TDRD12: variants seen among roughly 807,000 people sequenced by gnomAD.
The protein encoded by TDRD12 is tudor domain containing 12.
TDRD12 carries 158 observed loss-of-function variants against 133.5 expected under a neutral mutation model. The observed-to-expected ratio is 1.18, with a 90% CI of 1.04 to 1.35. The LOEUF (loss-of-function observed/expected upper bound fraction) is 1.35, where lower values mean the gene tolerates loss of function less well. Ranked by LOEUF, TDRD12 falls within the 40% of genes most tolerant of loss-of-function variation. TDRD12 has a pLI of 0.00. For synonymous variants in TDRD12, 460 were observed against 477.9 expected (o/e 0.96, Z 0.49); for missense variants, 1,443 against 1,321.3 (o/e 1.09, Z -1.43).
At chr19:32,759,110 C>T (rs1339287087) in intron 8 of TDRD12, among the ~76,000 whole-genome samples, 2 of 152,074 alleles carry the variant, frequency 1.3e-5, no homozygotes, top group Admixed American at 6.6e-5. Flanking sequence ...GGCATGGTGG[C>T]GTGTGCCTGT....
At chr19:32,803,033 A>G in exon 21 of TDRD12, 2 of 1,536,038 alleles carry the variant, frequency 1.3e-6, no homozygotes, top group South Asian at 1.2e-5. Flanking sequence ...AGCGGACGCC[A>G]AGGTCCCCGC....
chr19:32,749,849 G>A, exon 6 of TDRD12: 1 of 1,546,874 alleles, frequency 6.5e-7, no homozygotes, highest in South Asian at 1.2e-5. Flanking sequence ...TTACCTTTAT[G>A]TAACTATAAA....
chr19:32,789,930 A>C (rs1971019899), intron 11 of TDRD12, among the ~76,000 whole-genome samples: 1 of 152,006 alleles, frequency 6.6e-6, no homozygotes, highest in South Asian at 2.1e-4. Flanking sequence ...TGAACCTGGG[A>C]GGCGGATGTT....
At chr19:32,732,591 C>A (rs1969092540) in intron 2 of TDRD12, among the ~76,000 whole-genome samples, 1 of 152,178 alleles carries the variant, frequency 6.6e-6, no homozygotes, top group Admixed American at 6.5e-5. Flanking sequence ...CGCCGTGGCC[C>A]CTCCTTGCCT....
intron 14 of TDRD12, among the ~76,000 whole-genome samples, chr19:32,797,039 G>A (rs1019588310): frequency 1.3e-5 from 2 of 149,498 alleles, no homozygotes; most frequent in African/African-American, 4.9e-5. Context: ...GGAGTGCAGT[G>A]GCTCCATCTC....
chr19:32,721,801 G>A (rs1194336940), intron 1 of TDRD12, among the ~76,000 whole-genome samples: 2 of 151,438 alleles, frequency 1.3e-5, no homozygotes, highest in African/African-American at 4.9e-5. Flanking sequence ...TCCGCCTCCC[G>A]GGTTCACGCC....
At chr19:32,763,387 A>G (rs1195172057) in intron 8 of TDRD12, among the ~76,000 whole-genome samples, 1 of 152,098 alleles carries the variant, frequency 6.6e-6, no homozygotes, top group Admixed American at 6.6e-5. Flanking sequence ...GCCCCTCAGC[A>G]TCCCTCACCT....
At chr19:32,820,783 G>T (rs563042369) in intron 27 of TDRD12, among the ~76,000 whole-genome samples, 4 of 152,266 alleles carry the variant, frequency 2.6e-5, no homozygotes, top group African/African-American at 9.6e-5. Context: ...AGTATGGAAG[G>T]CAAACCATCT....
chr19:32,781,044 G>A (rs543014535), intron 11 of TDRD12, among the ~76,000 whole-genome samples: 8 of 150,292 alleles, frequency 5.3e-5, no homozygotes, highest in Admixed American at 2.7e-4. Flanking sequence ...CTGGGTTCAC[G>A]CCATTCTCCT....
intron 27 of TDRD12, among the ~76,000 whole-genome samples, chr19:32,818,739 G>T (rs1967274006): frequency 6.6e-6 from 1 of 152,180 alleles, no homozygotes; most frequent in African/African-American, 2.4e-5. Context: ...GTAGGGTGGG[G>T]ACGTTGTAGC....
Position 32,730,742 on chromosome 19 carries a change from G to A in TDRD12, c.25-983G>A, listed in dbSNP as rs148588850. Among the ~76,000 whole-genome samples, 481 of 152,230 alleles carry A rather than the reference G, an allele frequency of 3.2e-3. 3 individuals are homozygous for A. Among genetic ancestry groups the A allele is most frequent in the African/African-American group, 0.011 (438 of 41,532 alleles). ...AAAAATCATGAGTTCTTGGCTGGGC[G>A]CGGTGGCTCACGCCTGTAATCCCAG... On this transcript the variant is annotated intron_variant, in intron 1 of 27. Transcript: ENST00000444215.
chr19:32,810,405 C>A, intron 23 of TDRD12, 128 bp downstream of exon 23: 1 of 685,562 alleles, frequency 1.5e-6, no homozygotes, highest in Non-Finnish European at 2.3e-6. Context: ...GCGGGGTGTC[C>A]CCCCAGATGC....
At chr19:32,800,417 G>A in intron 17 of TDRD12, 59 bp downstream of exon 17, 2 of 1,287,314 alleles carry the variant, frequency 1.6e-6, no homozygotes, top group South Asian at 1.7e-5. Flanking sequence ...GTTGGTGGGG[G>A]GCTGATGAAC....
Position 32,821,094 on chromosome 19 carries a change from GA to G in TDRD12, c.3447del (p.Gly1150GlufsTer24). On this transcript the variant is annotated frameshift_variant, in exon 28 of 28. Coordinates refer to ENST00000444215, the Ensembl canonical transcript of TDRD12. LOFTEE classifies it low-confidence loss of function (END_TRUNC). The stretch of plus-strand genomic sequence containing the variant: ...CCCCCAGCCTGAGGACACGGGTGCA[GA>G]AGGAGGGGCTGAGTCCAAGACGAGC... 2 of 1,536,026 alleles carry G rather than the reference GA, an allele frequency of 1.3e-6. No homozygotes were observed. Among genetic ancestry groups the G allele is most frequent in the East Asian group, 4.9e-5 (2 of 40,898 alleles).
chr19:32,795,363 GAAA>G (rs1404889304), intron 14 of TDRD12, among the ~76,000 whole-genome samples: 4 of 147,776 alleles, frequency 2.7e-5, no homozygotes, highest in African/African-American at 9.9e-5. Flanking sequence ...GAAAGAAAAA[GAAA>G]AAATGGATAT....
intron 1 of TDRD12, among the ~76,000 whole-genome samples, chr19:32,721,479 G>A (rs1353450628): frequency 1.3e-5 from 2 of 151,856 alleles, no homozygotes; most frequent in Admixed American, 6.6e-5. Flanking sequence ...TCCGCTTCCC[G>A]GGTTCAAGTG....
At position 32,764,103 on chromosome 19, in the gene TDRD12, CTTTTTTTT is replaced by C. The variant is rs5827820; in HGVS notation, c.865+6991_865+6998del. The stretch of plus-strand genomic sequence containing the variant: ...TTCTTTTTTTACTTGTATTGTCCAT[CTTTTTTTT>C]TTTTTTTTTTTTTTTTTGAGATGGA... On this transcript the variant is annotated intron_variant, in intron 8 of 27. Coordinates refer to ENST00000444215, the Ensembl canonical transcript of TDRD12. 1.1e-4 allele frequency among the ~76,000 whole-genome samples: 8 copies of C among 72,326 alleles called. No homozygotes were observed. The East Asian group carries it at 1.6e-3, about 14-fold the overall frequency. The allele number at this position is 72,326 out of a possible 152,430, so 47.4% of individuals were successfully genotyped here. A position where few individuals can be genotyped will look rare whatever the true frequency, so the allele number is the denominator to read the frequency against.
At chr19:32,801,327 T>C (rs983400383) in intron 18 of TDRD12, among the ~76,000 whole-genome samples, 3 of 152,188 alleles carry the variant, frequency 2.0e-5, no homozygotes, top group Admixed American at 1.3e-4. Context: ...ATATTAGTGC[T>C]AAAACGTAGA....
exon 18 of TDRD12, chr19:32,800,712 T>G: frequency 2.6e-6 from 4 of 1,535,900 alleles, no homozygotes; most frequent in Non-Finnish European, 1.7e-6. Flanking sequence ...TTATTCCAAG[T>G]CAGGCACAAA....
Sources: allele counts gnomAD v4.1 joint callset (sites outside exome capture counted in the v4.1 genomes callset), GRCh38; gene constraint gnomAD v4.1.1; transcripts MANE v1.5; gene names NCBI Gene and HGNC (gene_info 2026-07-23, HGNC 2026-07-21).